Variants in MROH9 observed in about 807,000 individuals in gnomAD.
MROH9 encodes the protein maestro heat like repeat family member 9.
Under a neutral mutation model 98.2 loss-of-function variants are expected in MROH9, and 92 were observed. That is an observed-to-expected ratio of 0.94 (90% CI 0.79 to 1.11). The LOEUF (loss-of-function observed/expected upper bound fraction) is 1.11. MROH9 is among the 50% of genes most tolerant of loss of function. The probability of loss-of-function intolerance (pLI) is 0.00; values close to 1 mark genes in which losing one functional copy is unlikely to be tolerated. For synonymous variants in MROH9, 397 were observed against 368.9 expected (o/e 1.08, Z -0.87); for missense variants, 1,057 against 1,014.8 (o/e 1.04, Z -0.57).
chr1:170,942,277 T>G (rs1249700004), intron 1 of MROH9, among the ~76,000 whole-genome samples: 1 of 151,554 alleles, frequency 6.6e-6, no homozygotes, highest in Admixed American at 6.6e-5. Flanking sequence ...AGAAGAGTGG[T>G]GGGGTTGAGT....
chr1:170,996,561 G>C lies in MROH9; in HGVS notation c.1392G>C (p.Val464=). The C allele has an allele frequency of 6.2e-7, 1 of 1,613,548 alleles. No individual in the cohort carries two copies. Among genetic ancestry groups the C allele is most frequent in the African/African-American group, 1.3e-5 (1 of 74,980 alleles). Residue 464 remains valine (V), a synonymous_variant, in exon 14 of 22, where the codon GTG becomes GTC. Transcript: ENST00000367759. The part of the protein sequence containing the change: ...VLLNCSGLQQ[V]DITLMKENFW... ...TGAATTGTTCTGGACTGCAACAGGTGGATATTACTCTAATGAAGGAGAATT... is the reference window on the plus strand; with the variant it reads ...TGAATTGTTCTGGACTGCAACAGGTCGATATTACTCTAATGAAGGAGAATT...
chr1:170,958,003 G>T (rs949324023), intron 3 of MROH9, among the ~76,000 whole-genome samples: 1 of 151,886 alleles, frequency 6.6e-6, no homozygotes, highest in Non-Finnish European at 1.5e-5. Flanking sequence ...TAGAGACGGG[G>T]TTTCACCGTA....
chr1:171,061,298 G>T (rs149190158), intron 20 of MROH9, among the ~76,000 whole-genome samples: 125 of 152,208 alleles, frequency 8.2e-4, no homozygotes, highest in African/African-American at 2.8e-3. Context: ...AGCCACTTTG[G>T]ATAACTGTTT....
intron 20 of MROH9, among the ~76,000 whole-genome samples, chr1:171,060,898 G>A (rs952488345): frequency 1.3e-4 from 20 of 152,052 alleles, no homozygotes; most frequent in African/African-American, 4.8e-4. Context: ...TTGAAATTAG[G>A]GGTTTGTGTT....
chr1:170,983,286 T>A (rs1249610486), intron 8 of MROH9, 136 bp from the exon 9 acceptor site: 1 of 608,942 alleles, frequency 1.6e-6, no homozygotes, highest in African/African-American at 1.9e-5. Context: ...GAGACTAAAC[T>A]ATGAGCAGAG....
intron 20 of MROH9, among the ~76,000 whole-genome samples, chr1:171,058,186 T>C (rs1653905506): frequency 6.6e-6 from 1 of 152,062 alleles, no homozygotes; most frequent in Admixed American, 6.6e-5. Flanking sequence ...AGCATTTCTT[T>C]ACACCAACAA....
rs557528677 is a variant in MROH9 at position 170,942,838 on chromosome 1, A to G, written c.-37-2682A>G. ...ACCAAACATAAGCTGGTGAAGCTGAACTAAACAAGAAATCACACAAACAAG... is the reference window on the plus strand; with the variant it reads ...ACCAAACATAAGCTGGTGAAGCTGAGCTAAACAAGAAATCACACAAACAAG... On this transcript the variant is annotated intron_variant, in intron 1 of 21. Transcript: ENST00000367759. Among the ~76,000 whole-genome samples, 10 of 152,244 alleles carry G rather than the reference A, an allele frequency of 6.6e-5. No individual in the cohort carries two copies. The East Asian group carries it at 1.7e-3, about 27-fold the overall frequency.
intron 15 of MROH9, among the ~76,000 whole-genome samples, chr1:171,003,324 G>T (rs1369513799): frequency 6.6e-6 from 1 of 152,106 alleles, no homozygotes; most frequent in Non-Finnish European, 1.5e-5. Flanking sequence ...ACCTTGTTTT[G>T]TCATATTACC....
intron 17 of MROH9, 104 bp from the exon 18 acceptor site, chr1:171,024,291 A>T (rs1196488188): frequency 1.1e-5 from 8 of 742,282 alleles, no homozygotes; most frequent in Non-Finnish European, 1.7e-5. Context: ...CATATATAGT[A>T]TATTTATATG....
chr1:170,940,471 T>C (rs926071887), intron 1 of MROH9, among the ~76,000 whole-genome samples: 2 of 152,254 alleles, frequency 1.3e-5, no homozygotes, highest in Non-Finnish European at 2.9e-5. Context: ...CATGCCCCTG[T>C]GGTAGAACAG....
intron 7 of MROH9, among the ~76,000 whole-genome samples, chr1:170,969,371 G>A (rs1397803956): frequency 1.3e-5 from 2 of 152,130 alleles, no homozygotes; most frequent in East Asian, 3.9e-4. Context: ...ATTCTGTTAT[G>A]TTTTATCCTG....
At chr1:171,039,721 G>T (rs777263057) in intron 20 of MROH9, among the ~76,000 whole-genome samples, 5 of 152,040 alleles carry the variant, frequency 3.3e-5, no homozygotes, top group Admixed American at 6.6e-5. Context: ...GTTAGCATGA[G>T]AAATTTTCAT....
chr1:170,969,228 G>A (rs1650344195), intron 7 of MROH9, among the ~76,000 whole-genome samples: 1 of 151,884 alleles, frequency 6.6e-6, no homozygotes, highest in Non-Finnish European at 1.5e-5. Context: ...CACACATATG[G>A]CATATTATCC....
intron 3 of MROH9, among the ~76,000 whole-genome samples, chr1:170,951,544 A>G (rs1020144412): frequency 6.6e-6 from 1 of 152,152 alleles, no homozygotes; most frequent in Non-Finnish European, 1.5e-5. Context: ...GAAACAAAAC[A>G]TAAACTTGCT....
At chr1:170,998,557 C>G (rs1053818506) in intron 15 of MROH9, 21 of 1,393,360 alleles carry the variant, frequency 1.5e-5, no homozygotes, top group Non-Finnish European at 1.9e-5. Flanking sequence ...TTATATATTT[C>G]TGCATGATTG....
At chr1:171,014,900 C>G (rs181061893) in intron 16 of MROH9, 3 of 452,984 alleles carry the variant, frequency 6.6e-6, no homozygotes, top group Admixed American at 2.5e-5. Context: ...GGTGGGCCCA[C>G]CAATCTGTGT....
chr1:170,980,138 A>G (rs1650873568), intron 8 of MROH9, among the ~76,000 whole-genome samples: 1 of 152,190 alleles, frequency 6.6e-6, no homozygotes, highest in South Asian at 2.1e-4. Context: ...GAAAGAATCA[A>G]TATTATGAAA....
chr1:170,981,430 A>C (rs1650924041), intron 8 of MROH9, among the ~76,000 whole-genome samples: 1 of 152,246 alleles, frequency 6.6e-6, no homozygotes, highest in South Asian at 2.1e-4. Context: ...CTATGCAGGC[A>C]CAAAAAGGAA....
intron 1 of MROH9, among the ~76,000 whole-genome samples, chr1:170,944,019 A>G (rs1351557232): frequency 1.3e-5 from 2 of 152,060 alleles, no homozygotes; most frequent in Non-Finnish European, 2.9e-5. Context: ...AATAACAATT[A>G]TAATAAAAAT....
Sources: gnomAD v4.1 joint callset for allele counts (sites outside exome capture counted in the v4.1 genomes callset) on GRCh38, gnomAD v4.1.1 for gene constraint, MANE v1.5 for transcripts, NCBI Gene and HGNC (gene_info 2026-07-23, HGNC 2026-07-21) for gene names.